The following DNAH11 variants were observed in gnomAD, a reference collection of about 807,000 sequenced individuals.
DNAH11 encodes dynein axonemal heavy chain 11, also known as axonemal beta dynein heavy chain 11.
Under a neutral mutation model 526.0 loss-of-function variants are expected in DNAH11, and 442 were observed. The observed-to-expected ratio is 0.84, with a 90% CI of 0.78 to 0.91. The LOEUF (loss-of-function observed/expected upper bound fraction) is 0.91, where lower values mean the gene tolerates loss of function less well. DNAH11 is among the 40% of genes least tolerant of loss of function. The pLI is 0.00. For missense variants in DNAH11, 6,989 were observed against 5,448.7 expected (o/e 1.28, Z -8.90); for synonymous variants, 2,461 against 1,935.9 (o/e 1.27, Z -7.12).
At chr7:21,574,050 A>G (rs574456152) in intron 8 of DNAH11, among the ~76,000 whole-genome samples, 2 of 152,314 alleles carry the variant, frequency 1.3e-5, no homozygotes, top group East Asian at 3.9e-4. Context: ...GTGTGCCCAT[A>G]AAAATGGTTT....
chr7:21,702,845 C>A (rs898814756), intron 37 of DNAH11, 43 bp downstream of exon 37: 1 of 1,538,052 alleles, frequency 6.5e-7, no homozygotes, highest in Non-Finnish European at 8.9e-7. Context: ...AGTAGCTGGC[C>A]TGCTTCACAG....
intron 39 of DNAH11, 134 bp from the exon 40 acceptor site, chr7:21,707,565 C>A: frequency 1.8e-6 from 2 of 1,106,434 alleles, no homozygotes; most frequent in Non-Finnish European, 1.2e-6. Context: ...GTGCATTTTT[C>A]CCCTTCTCGA....
Position 21,711,739 on chromosome 7 carries a change from A to G in DNAH11, c.6862A>G (p.Ile2288Val). Reference protein sequence around the residue: ...KVLTLASNERIALTPFMRLLF... With the variant: ...KVLTLASNERVALTPFMRLLF... ...GCTGACCCTCGCCAGCAATGAGCGC[A>G]TTGCACTCACTCCCTTCATGAGGCT... The change falls in exon 42 of 82, where the codon ATT becomes GTT. Residue 2288 changes from isoleucine (I) to valine (V), a missense_variant. Coordinates refer to ENST00000409508, the MANE Select transcript of DNAH11 (RefSeq NM_001277115.2). 1 of 1,613,762 alleles carries G rather than the reference A, an allele frequency of 6.2e-7. No homozygotes were observed. The highest frequency in any genetic ancestry group is 8.5e-7 in the Non-Finnish European group (1 of 1,179,768).
At chr7:21,788,367 C>G (rs1414715532) in intron 60 of DNAH11, among the ~76,000 whole-genome samples, 1 of 151,920 alleles carries the variant, frequency 6.6e-6, no homozygotes, top group Non-Finnish European at 1.5e-5. Context: ...CTCTCTTGAT[C>G]TCTCTCTCTC....
At chr7:21,811,923 A>C (rs1789539279) in intron 63 of DNAH11, among the ~76,000 whole-genome samples, 1 of 152,176 alleles carries the variant, frequency 6.6e-6, no homozygotes, top group African/African-American at 2.4e-5. Context: ...TACATTTCCC[A>C]TCAAAAAAGG....
chr7:21,600,202 G>A lies in DNAH11; in HGVS notation c.3000+83G>A, dbSNP rs1184735807. On this transcript the variant is annotated intron_variant, in intron 15 of 81. Transcript: ENST00000409508. ...TGGCTGAGTATGGTAGCTCATGCTG[G>A]GAATCCCAGAACTTTGGGAGGCTGA... 4 of 1,205,432 alleles carry A rather than the reference G, an allele frequency of 3.3e-6. No homozygotes were observed. The African/African-American group carries it at 4.6e-5, about 14-fold the overall frequency. The allele number at this position is 1,205,432 out of a possible 1,614,324, so 74.7% of individuals were successfully genotyped here.
At chr7:21,856,797 C>G (rs1782867777) in intron 68 of DNAH11, among the ~76,000 whole-genome samples, 2 of 148,460 alleles carry the variant, frequency 1.3e-5, no homozygotes, top group African/African-American at 2.6e-5. Context: ...AAAAAAAAAC[C>G]AACCAACTCT....
chr7:21,797,680 T>C (rs1472561598), intron 61 of DNAH11, among the ~76,000 whole-genome samples: 1 of 152,260 alleles, frequency 6.6e-6, no homozygotes. Context: ...AGTAGTAGAT[T>C]GTCACCTTTA....
At chr7:21,888,709 T>C (rs1017690907) in intron 76 of DNAH11, among the ~76,000 whole-genome samples, 3 of 151,952 alleles carry the variant, frequency 2.0e-5, no homozygotes, top group African/African-American at 7.2e-5. Flanking sequence ...AGGCTGGTCT[T>C]GAACTCCTGA....
chr7:21,714,857 C>T (rs2128482065), intron 42 of DNAH11, among the ~76,000 whole-genome samples: 1 of 152,132 alleles, frequency 6.6e-6, no homozygotes, highest in South Asian at 2.1e-4. Context: ...ACACGTCATC[C>T]CTAAGTCTGA....
At chr7:21,756,983 A>T (rs577799661) in intron 54 of DNAH11, among the ~76,000 whole-genome samples, 9 of 152,296 alleles carry the variant, frequency 5.9e-5, no homozygotes, top group African/African-American at 2.2e-4. Flanking sequence ...AATATTTTAC[A>T]GCATTTTCCA....
intron 41 of DNAH11, 87 bp from the exon 42 acceptor site, chr7:21,711,625 T>C: frequency 6.5e-7 from 1 of 1,528,804 alleles, no homozygotes; most frequent in Non-Finnish European, 8.8e-7. Context: ...CAGCCTGTGA[T>C]ACTTCTGGTA....
chr7:21,762,447 C>G (rs1437807476), intron 54 of DNAH11, among the ~76,000 whole-genome samples: 1 of 152,120 alleles, frequency 6.6e-6, no homozygotes, highest in Admixed American at 6.5e-5. Context: ...AATGACATTT[C>G]TAAAATTGGC....
intron 9 of DNAH11, 110 bp from the exon 10 acceptor site, chr7:21,587,954 T>G (rs1784532236): frequency 1.9e-6 from 2 of 1,059,742 alleles, no homozygotes; most frequent in African/African-American, 3.2e-5. Context: ...CAGGATGCTT[T>G]TAAGATTCTA....
At chr7:21,737,938 T>G (rs1785687073) in intron 46 of DNAH11, among the ~76,000 whole-genome samples, 1 of 152,212 alleles carries the variant, frequency 6.6e-6, no homozygotes, top group Admixed American at 6.5e-5. Flanking sequence ...GTTTATTTAT[T>G]TATGATTCTT....
At chr7:21,879,483 AG>A (rs1467259455) in intron 74 of DNAH11, among the ~76,000 whole-genome samples, 1 of 151,990 alleles carries the variant, frequency 6.6e-6, no homozygotes, top group East Asian at 1.9e-4. Flanking sequence ...AAAACCTCAC[AG>A]GTCTAGACAC....
intron 8 of DNAH11, among the ~76,000 whole-genome samples, chr7:21,572,641 A>G (rs781719387): frequency 4.5e-4 from 68 of 152,318 alleles, no homozygotes; most frequent in African/African-American, 1.5e-3. Context: ...TTATTATTGT[A>G]TATGTAATGT....
chr7:21,823,451 T>TTTTATTTTATTTTATTTTAA (rs1790140740), intron 65 of DNAH11, among the ~76,000 whole-genome samples: 1 of 152,142 alleles, frequency 6.6e-6, no homozygotes, highest in African/African-American at 2.4e-5. Flanking sequence ...CAGCCTAAAT[T>TTTTATTTTATTTTATTTTAA]CACTATATTT....
At chr7:21,726,033 A>C (rs1385918408) in intron 45 of DNAH11, 49 bp downstream of exon 45, 2 of 1,453,026 alleles carry the variant, frequency 1.4e-6, no homozygotes, top group Admixed American at 5.8e-5. Flanking sequence ...TCATATTGCT[A>C]TAAAAAATAC....
Sources: allele counts gnomAD v4.1 joint callset (sites outside exome capture counted in the v4.1 genomes callset), GRCh38; gene constraint gnomAD v4.1.1; transcripts MANE v1.5; gene names NCBI Gene and HGNC (gene_info 2026-07-23, HGNC 2026-07-21).